PENK: variants seen among roughly 807,000 people sequenced by gnomAD.
The protein encoded by PENK is proenkephalin-A.
Under a neutral mutation model 24.1 loss-of-function variants are expected in PENK, and 25 were observed. That is an observed-to-expected ratio of 1.04 (90% CI 0.76 to 1.45). The LOEUF (loss-of-function observed/expected upper bound fraction) is 1.45, where lower values mean the gene tolerates loss of function less well. Among genes scored for constraint, PENK ranks in the 40% most tolerant of loss-of-function variants. PENK has a pLI of 0.00. For synonymous variants in PENK, 135 were observed against 130.3 expected, an observed-to-expected ratio of 1.04 and a Z score of -0.24; for missense variants, 353 against 337.9, an observed-to-expected ratio of 1.04 and a Z score of -0.35.
At position 56,441,302 on chromosome 8, in the gene PENK, T is replaced by A. The variant is rs776381877; in HGVS notation, c.774A>T (p.Glu258Asp). Residue 258 changes from glutamate (E) to aspartate (D), a missense_variant, in exon 4 of 4, where the codon GAA becomes GAT. By Grantham distance (45) the Glu-to-Asp change is conservative. Coordinates refer to ENST00000451791, the MANE Select transcript of PENK (RefSeq NM_001135690.3). ...ATCTCATAAATCCTCCGTATCTTTT[T>A]TCCATTTCAGGAACTTCTTTGGAGT... Reference protein sequence around the residue: ...ESYSKEVPEMEKRYGGFMRF With the variant: ...ESYSKEVPEMDKRYGGFMRF The A allele has an allele frequency of 5.6e-6, 9 of 1,607,944 alleles. No homozygotes were observed. The African/African-American group carries it at 1.2e-4, about 22-fold the overall frequency.
intron 3 of PENK, chr8:56,444,108 C>A (rs568893596): frequency 1.9e-5 from 11 of 576,404 alleles, no homozygotes; most frequent in South Asian, 1.4e-4. Context: ...ACCCAGTGAG[C>A]TCTGCTCAAG....
rs958824524 is a variant in PENK, at chr8:56,441,406, T to C, written c.670A>G (p.Met224Val). The C allele has an allele frequency of 2.5e-6, 4 of 1,613,950 alleles. No homozygotes were observed. Among genetic ancestry groups the C allele is most frequent in the African/African-American group, 2.7e-5 (2 of 74,938 alleles). The change falls in exon 4 of 4, where the codon ATG (methionine) becomes GTG (valine). Residue 224 changes from methionine (M) to valine (V), a missense_variant. Physicochemically the swap from Met to Val is conservative, Grantham distance 21. Coordinates refer to ENST00000451791, the MANE Select transcript of PENK (RefSeq NM_001135690.3). ...MRRVGRPEWWMDYQKRYGGFL... is the reference protein window; with the variant it reads ...MRRVGRPEWWVDYQKRYGGFL... Reference sequence around the variant, plus strand: ...CCTCCATACCGTTTCTGGTAGTCCATCCACCACTCTGGGCGACCTACTCTT... The same window carrying C: ...CCTCCATACCGTTTCTGGTAGTCCACCCACCACTCTGGGCGACCTACTCTT...
intron 2 of PENK, 143 bp from the exon 3 acceptor site, chr8:56,446,099 C>T: frequency 2.2e-6 from 2 of 918,372 alleles, no homozygotes; most frequent in Non-Finnish European, 3.2e-6. Context: ...CCCCGCCCTC[C>T]CGGCCGACAG....
intron 3 of PENK, chr8:56,443,734 T>G: frequency 2.5e-6 from 1 of 397,012 alleles, no homozygotes; most frequent in African/African-American, 2.1e-5. Context: ...AATGTTGTAA[T>G]TCTAGCGAGA....
chr8:56,443,871 A>G (rs1804602227), intron 3 of PENK: 1 of 636,930 alleles, frequency 1.6e-6, no homozygotes, highest in African/African-American at 1.8e-5. Flanking sequence ...CTTATTATCT[A>G]TTTTTTTCAA....
At chr8:56,442,406 C>A (rs1804577271) in intron 3 of PENK, among the ~76,000 whole-genome samples, 2 of 152,084 alleles carry the variant, frequency 1.3e-5, no homozygotes, top group South Asian at 4.1e-4. Flanking sequence ...ATATTAATAA[C>A]CTAAGGGTCA....
Position 56,441,140 on chromosome 8 carries a change from G to A in PENK, c.*132C>T, listed in dbSNP as rs1804541774. On this transcript the variant is annotated 3_prime_UTR_variant, in exon 4 of 4. Coordinates refer to ENST00000451791, the MANE Select transcript of PENK (RefSeq NM_001135690.3). ...AACCTGAAATGACAGTTTTCAGGTT[G>A]TATAGTTATCCAGACAATGAAGTCA... 1.5e-6 allele frequency: 1 copy of A among 685,832 alleles called. No homozygotes were observed. Among genetic ancestry groups the A allele is most frequent in the Non-Finnish European group, 2.5e-6 (1 of 396,288 alleles). The allele number at this position is 685,832 out of a possible 1,614,324, so 42.5% of individuals were successfully genotyped here.
At chr8:56,444,013 CA>C (rs1221987420) in intron 3 of PENK, 8 of 701,898 alleles carry the variant, frequency 1.1e-5, no homozygotes, top group Non-Finnish European at 2.1e-5. Flanking sequence ...TCTCCTCCCC[CA>C]CAATCCTGTT....
Position 56,445,925 on chromosome 8 carries a change from C to G in PENK, c.29G>C (p.Trp10Ser), listed in dbSNP as rs780936584. 3.1e-6 allele frequency: 5 copies of G among 1,611,990 alleles called. No individual in the cohort carries two copies. The East Asian group carries it at 1.1e-4, about 36-fold the overall frequency. Residue 10 changes from tryptophan (W) to serine (S), a missense_variant, in exon 3 of 4, where the codon TGG becomes TCG. Physicochemically the swap from Trp to Ser is radical, Grantham distance 177. Coordinates refer to ENST00000451791, the MANE Select transcript of PENK (RefSeq NM_001135690.3). ...GAGCCCGGGGCCGAGCAACAGCAGC[C>G]AAGTGCAAAGTGTCAGGAACCGCGC... Reference protein sequence around the residue: MARFLTLCTWLLLLGPGLLA... With the variant: MARFLTLCTSLLLLGPGLLA...
chr8:56,441,816 T>G lies in PENK; in HGVS notation c.260A>C (p.Asn87Thr). ...PQDGTSTLRE[N>T]SKPEESHLLA... ...CAAATGGCTTTCTTCCGGTTTGCTATTTTCTCTGAGGGTGCTGGTGCCATC... is the reference window on the plus strand; with the variant it reads ...CAAATGGCTTTCTTCCGGTTTGCTAGTTTCTCTGAGGGTGCTGGTGCCATC... The change falls in exon 4 of 4, where the codon AAT (asparagine) becomes ACT (threonine). Residue 87 changes from asparagine (N) to threonine (T), a missense_variant. Coordinates refer to ENST00000451791, the MANE Select transcript of PENK (RefSeq NM_001135690.3). The G allele has an allele frequency of 6.2e-7, 1 of 1,614,184 alleles. No individual in the cohort carries two copies.
At position 56,441,362 on chromosome 8, in the gene PENK, G is replaced by C. The variant is rs746841463; in HGVS notation, c.714C>G (p.Ala238=). The C allele has an allele frequency of 1.2e-6, 2 of 1,614,018 alleles. No individual in the cohort carries two copies. Among genetic ancestry groups the C allele is most frequent in the Non-Finnish European group, 1.7e-6 (2 of 1,179,944 alleles). Residue 238 remains alanine, a synonymous_variant, in exon 4 of 4, where the codon GCC becomes GCG. Coordinates refer to ENST00000451791, the MANE Select transcript of PENK (RefSeq NM_001135690.3). ...CTTCTTCGTCGGAGGGCAGAGCCTC[G>C]GCAAAGCGCTTCAGGAAACCTCCAT... ...KRYGGFLKRF[A]EALPSDEEGE...
chr8:56,442,840 A>T (rs1804584395), intron 3 of PENK, among the ~76,000 whole-genome samples: 1 of 151,558 alleles, frequency 6.6e-6, no homozygotes, highest in Non-Finnish European at 1.5e-5. Context: ...TAAATATTAA[A>T]TATAAAATCA....
At chr8:56,442,098 A>T (rs1488724797) in intron 3 of PENK, among the ~76,000 whole-genome samples, 161 bp from the exon 4 acceptor site, 1 of 152,224 alleles carries the variant, frequency 6.6e-6, no homozygotes, top group Non-Finnish European at 1.5e-5. Context: ...AAGGCTGAGC[A>T]TGCAAATGAA....
Position 56,441,439 on chromosome 8 carries a change from A to G in PENK, c.637T>C (p.Phe213Leu), listed in dbSNP as rs1389379997. The G allele has an allele frequency of 2.5e-6, 4 of 1,613,866 alleles. No individual in the cohort carries two copies. In the East Asian group the frequency reaches 8.9e-5, roughly 36 times the overall value. ...TCTGGGCGACCTACTCTTCTCATGAAGCCCCCATATCGCTTCTGCAGCTCT... is the reference window on the plus strand; with the variant it reads ...TCTGGGCGACCTACTCTTCTCATGAGGCCCCCATATCGCTTCTGCAGCTCT... The part of the protein sequence containing the change: ...AKELQKRYGG[F>L]MRRVGRPEWW... The change falls in exon 4 of 4, where the codon TTC becomes CTC. Residue 213 changes from phenylalanine (F) to leucine (L), a missense_variant. Physicochemically the swap from Phe to Leu is conservative, Grantham distance 22. Transcript: ENST00000451791.
At chr8:56,444,723 C>T (rs1286692044) in intron 3 of PENK, among the ~76,000 whole-genome samples, 1 of 152,098 alleles carries the variant, frequency 6.6e-6, no homozygotes, top group Non-Finnish European at 1.5e-5. Flanking sequence ...AAATATATAC[C>T]ACAGATATTT....
At chr8:56,442,810 A>G (rs1361188574) in intron 3 of PENK, among the ~76,000 whole-genome samples, 2 of 152,054 alleles carry the variant, frequency 1.3e-5, no homozygotes, top group Admixed American at 6.5e-5. Context: ...ATCAGCATAC[A>G]TTCTTTCCTT....
Position 56,441,344 on chromosome 8 carries a change from G to T in PENK, c.732C>A (p.Asp244Glu), listed in dbSNP as rs756378387. ...CTTTGGAGTAACTTTCGCCTTCTTC[G>T]TCGGAGGGCAGAGCCTCGGCAAAGC... The part of the protein sequence containing the change: ...LKRFAEALPS[D>E]EEGESYSKEV... The change falls in exon 4 of 4, where the codon GAC becomes GAA. Residue 244 changes from aspartate (D) to glutamate (E), a missense_variant. Asp to Glu is a conservative substitution (Grantham distance 45). Transcript: ENST00000451791. 1 of 1,613,676 alleles carries T rather than the reference G, an allele frequency of 6.2e-7. No individual in the cohort carries two copies. The highest frequency in any genetic ancestry group is 8.5e-7 in the Non-Finnish European group (1 of 1,179,798).
chr8:56,444,157 G>A, intron 3 of PENK: 1 of 500,108 alleles, frequency 2.0e-6, no homozygotes, highest in Non-Finnish European at 3.5e-6. Flanking sequence ...TAGCATTTTG[G>A]GAGCTTGGTG....
At chr8:56,442,849 C>A (rs1169660747) in intron 3 of PENK, among the ~76,000 whole-genome samples, 1 of 150,436 alleles carries the variant, frequency 6.6e-6, no homozygotes, top group East Asian at 2.0e-4. Context: ...AATATAAAAT[C>A]ATTGTAAGTC....
Sources: gnomAD v4.1 joint callset for allele counts (sites outside exome capture counted in the v4.1 genomes callset) on GRCh38, gnomAD v4.1.1 for gene constraint, MANE v1.5 for transcripts, NCBI Gene and HGNC (gene_info 2026-07-23, HGNC 2026-07-21) for gene names.